Variants in NEK4 observed in about 807,000 individuals in gnomAD.
NEK4 encodes NIMA related kinase 4.
Under a neutral mutation model 98.4 loss-of-function variants are expected in NEK4, and 86 were observed. The ratio of observed to expected loss-of-function variants is 0.87; its 90% CI spans 0.73 to 1.05. NEK4 has a LOEUF of 1.05. Ranked by LOEUF, NEK4 falls within the 50% of genes least tolerant of loss-of-function variation. NEK4 has a pLI of 0.00. For synonymous variants in NEK4, 328 were observed against 342.2 expected, an observed-to-expected ratio of 0.96 and a Z score of 0.46; for missense variants, 898 against 950.3, an observed-to-expected ratio of 0.94 and a Z score of 0.72.
chr3:52,730,894 G>C (rs574528135), intron 15 of NEK4, among the ~76,000 whole-genome samples: 118 of 152,276 alleles, frequency 7.7e-4, no homozygotes, highest in African/African-American at 2.6e-3. Context: ...CAGGAAATGG[G>C]GAACTATTGT....
At chr3:52,720,957 C>A (rs932486712) in intron 15 of NEK4, among the ~76,000 whole-genome samples, 1 of 152,204 alleles carries the variant, frequency 6.6e-6, no homozygotes, top group Non-Finnish European at 1.5e-5. Context: ...GAATTCATCT[C>A]CTCACTCAAG....
Position 52,744,280 on chromosome 3 carries a change from C to T in NEK4, c.1853G>A (p.Arg618Lys), listed in dbSNP as rs766058846. ...SKDRPLSARERRRLKQSQEEM... is the reference protein window; with the variant it reads ...SKDRPLSAREKRRLKQSQEEM... ...TTCCTGTGACTGCTTTAGTCGCCTC[C>T]TCTCTCTGGCTGATAATGGTCGATC... Residue 618 changes from arginine (R) to lysine (K), a missense_variant, in exon 11 of 16, where the codon AGG becomes AAG. By Grantham distance (26) the Arg-to-Lys change is conservative. Transcript: ENST00000233027. The T allele has an allele frequency of 2.1e-5, 34 of 1,613,748 alleles. No individual in the cohort carries two copies. The highest frequency in any genetic ancestry group is 4.4e-5 in the South Asian group (4 of 91,080).
At chr3:52,752,931 T>TACACACACACACACAC (rs1193888628) in intron 6 of NEK4, among the ~76,000 whole-genome samples, 1 of 56,140 alleles carries the variant, frequency 1.8e-5, no homozygotes, top group Non-Finnish European at 3.8e-5. Context: ...TATATATATA[T>TACACACACACACACAC]ATACACACAC....
chr3:52,721,584 T>C (rs1037156602), intron 15 of NEK4, among the ~76,000 whole-genome samples: 1 of 151,776 alleles, frequency 6.6e-6, no homozygotes, highest in East Asian at 1.9e-4. Context: ...AAATTTTTTT[T>C]AATTAGCTAA....
intron 6 of NEK4, among the ~76,000 whole-genome samples, chr3:52,756,201 C>A (rs1458958211): frequency 6.6e-6 from 1 of 152,098 alleles, no homozygotes; most frequent in Non-Finnish European, 1.5e-5. Flanking sequence ...TCAATCTAAT[C>A]CCTATCAAAA....
rs368520253 is a variant in NEK4 at position 52,760,938 on chromosome 3, T to C, written c.822-2A>G. The C allele has an allele frequency of 5.1e-5, 79 of 1,559,228 alleles. No individual in the cohort carries two copies. The highest frequency in any genetic ancestry group is 6.6e-5 in the Non-Finnish European group (76 of 1,144,780). On this transcript the variant is annotated splice_acceptor_variant, in intron 5 of 15. Transcript: ENST00000233027. LOFTEE classifies it high-confidence loss of function. ...TTAATGTTATTTTTGGAGGTTTTTCTTTATAAAGAAGAAAAGAAAGAGTTA... is the reference window on the plus strand; with the variant it reads ...TTAATGTTATTTTTGGAGGTTTTTCCTTATAAAGAAGAAAAGAAAGAGTTA...
chr3:52,747,830 A>G (rs1440996164), intron 8 of NEK4, among the ~76,000 whole-genome samples: 1 of 151,916 alleles, frequency 6.6e-6, no homozygotes, highest in Non-Finnish European at 1.5e-5. Flanking sequence ...AGGTAGTCAC[A>G]GCTACCCAGG....
intron 15 of NEK4, among the ~76,000 whole-genome samples, chr3:52,718,052 C>T (rs1045616946): frequency 1.3e-5 from 2 of 151,792 alleles, no homozygotes; most frequent in African/African-American, 4.8e-5. Flanking sequence ...CCTCAGTCTC[C>T]CAAGGTTCTG....
intron 15 of NEK4, among the ~76,000 whole-genome samples, chr3:52,719,048 C>T (rs747662051): frequency 2.6e-5 from 4 of 152,224 alleles, no homozygotes; most frequent in South Asian, 2.1e-4. Context: ...TGAGCCATCG[C>T]GCCTGGCCTA....
Position 52,770,869 on chromosome 3 carries a change from C to G in NEK4, c.-123G>C. On this transcript the variant is annotated 5_prime_UTR_variant, in exon 1 of 16. Transcript: ENST00000233027. ...GGGGGCGGCTGTTGAGGCAGCCGGGCCCGGGCGGGATTGCTGGGGCCCGGC... is the reference window on the plus strand; with the variant it reads ...GGGGGCGGCTGTTGAGGCAGCCGGGGCCGGGCGGGATTGCTGGGGCCCGGC... The G allele has an allele frequency of 2.8e-5, 23 of 831,360 alleles. No homozygotes were observed. In the African/African-American group the frequency reaches 2.9e-4, roughly 11 times the overall value. 51.5% of individuals were successfully genotyped at this position (831,360 alleles called of 1,614,324 possible). A position where few individuals can be genotyped will look rare whatever the true frequency, so the allele number is the denominator to read the frequency against.
At chr3:52,715,626 T>C (rs1334849141) in intron 15 of NEK4, among the ~76,000 whole-genome samples, 2 of 152,094 alleles carry the variant, frequency 1.3e-5, no homozygotes, top group Admixed American at 1.3e-4. Context: ...CCTGACCTCA[T>C]GATCCACCCA....
At chr3:52,750,860 A>T (rs2097403770) in intron 7 of NEK4, among the ~76,000 whole-genome samples, 1 of 151,986 alleles carries the variant, frequency 6.6e-6, no homozygotes, top group African/African-American at 2.4e-5. Flanking sequence ...AAGCCCAGGA[A>T]GTCAAGGCTG....
chr3:52,751,089 TC>T (rs2097404102), intron 7 of NEK4, among the ~76,000 whole-genome samples: 1 of 151,894 alleles, frequency 6.6e-6, no homozygotes, highest in African/African-American at 2.4e-5. Flanking sequence ...AGCAGGCTGA[TC>T]ACCTGAGGTC....
At chr3:52,752,882 A>T (rs1216297400) in intron 6 of NEK4, among the ~76,000 whole-genome samples, 1 of 138,298 alleles carries the variant, frequency 7.2e-6, no homozygotes, top group Non-Finnish European at 1.6e-5. Context: ...CCTGGGCAAC[A>T]GGAGTGAAAC....
intron 2 of NEK4, among the ~76,000 whole-genome samples, chr3:52,766,769 G>A (rs959471247): frequency 6.6e-6 from 1 of 151,388 alleles, no homozygotes; most frequent in Non-Finnish European, 1.5e-5. Context: ...GGTGGATCAT[G>A]AGGTCAGGAG....
In NEK4 at chr3:52,746,109, G is replaced by C. The variant is rs747536096; in HGVS notation, c.1779C>G (p.Val593=). 2 of 1,614,124 alleles carry C rather than the reference G, an allele frequency of 1.2e-6. No homozygotes were observed. Among genetic ancestry groups the C allele is most frequent in the Admixed American group, 3.3e-5 (2 of 60,016 alleles). The stretch of plus-strand genomic sequence containing the variant: ...TCCTTGAACTGCTCACAGACCCAGT[G>C]ACCACTCTACGTTGGTTTTCAGCCT... ...QKEAENQRRV[V]TGSVSSSRSS... The change falls in exon 10 of 16, where the codon GTC becomes GTG. Residue 593 remains valine (V), a synonymous_variant. Transcript: ENST00000233027.
intron 15 of NEK4, among the ~76,000 whole-genome samples, chr3:52,720,208 C>T (rs921157508): frequency 6.6e-6 from 1 of 151,978 alleles, no homozygotes; most frequent in Non-Finnish European, 1.5e-5. Context: ...GCTAGGACTA[C>T]AGACAGCTAG....
At chr3:52,766,026 T>C in intron 3 of NEK4, 32 bp from the exon 4 acceptor site, 1 of 1,491,296 alleles carries the variant, frequency 6.7e-7, no homozygotes, top group Non-Finnish European at 9.3e-7. Context: ...CGGTTAAATG[T>C]CAGAATAGCT....
At position 52,746,093 on chromosome 3, in the gene NEK4, T is replaced by C; in HGVS notation, c.1795A>G (p.Ser599Gly). 1.2e-6 allele frequency: 2 copies of C among 1,614,186 alleles called. No homozygotes were observed. Among genetic ancestry groups the C allele is most frequent in the Admixed American group, 1.7e-5 (1 of 60,014 alleles). The change falls in exon 10 of 16, where the codon AGT becomes GGT. Residue 599 changes from serine to glycine, a missense_variant. Ser to Gly is a moderately conservative substitution (Grantham distance 56, BLOSUM62 0). Coordinates refer to ENST00000233027, the MANE Select transcript of NEK4 (RefSeq NM_003157.6). ...QRRVVTGSVS[S>G]SRSSEMSSSK... is the part of the protein sequence containing the mutation. ...GATGACATCTCACTGCTCCTTGAACTGCTCACAGACCCAGTGACCACTCTA... is the reference window on the plus strand; with the variant it reads ...GATGACATCTCACTGCTCCTTGAACCGCTCACAGACCCAGTGACCACTCTA...
Sources: gnomAD v4.1 joint callset for allele counts (sites outside exome capture counted in the v4.1 genomes callset) on GRCh38, gnomAD v4.1.1 for gene constraint, MANE v1.5 for transcripts, NCBI Gene and HGNC (gene_info 2026-07-23, HGNC 2026-07-21) for gene names.